The following SMS variants were observed in gnomAD, a reference collection of about 807,000 sequenced individuals.
SMS encodes the protein spermidine aminopropyltransferase.
Under a neutral mutation model 33.0 loss-of-function variants are expected in SMS, and 3 were observed. The ratio of observed to expected loss-of-function variants is 0.09; its 90% CI spans 0.04 to 0.23. SMS has a LOEUF of 0.23. Ranked by LOEUF, SMS falls within the 10% of genes least tolerant of loss-of-function variation. The probability of loss-of-function intolerance (pLI) is 1.00; values close to 1 mark genes in which losing one functional copy is unlikely to be tolerated. For synonymous variants in SMS, 103 were observed against 112.2 expected (o/e 0.92, Z 0.52); for missense variants, 117 against 288.6 (o/e 0.41, Z 4.31).
rs1365781559 is a variant in SMS at position 21,975,043 on chromosome X, G to GA, written c.330-2012dup. 6.3e-5 allele frequency among the ~76,000 whole-genome samples: 7 copies of GA among 110,852 alleles called. No homozygotes were observed. The South Asian group carries it at 1.9e-3, about 30-fold the overall frequency. ...TTATTTTTGTTTTCTACTTTCAAGT[G>GA]AAAAAACAAGAAAACAAGGTCACAT... On this transcript the variant is annotated intron_variant, in intron 4 of 10. Coordinates refer to ENST00000404933, the MANE Select transcript of SMS (RefSeq NM_004595.5).
chrX:21,961,564 C>T (rs1923352313), intron 1 of SMS, among the ~76,000 whole-genome samples: 1 of 111,512 alleles, frequency 9.0e-6, no homozygotes, highest in Admixed American at 9.5e-5. Context: ...AAATGGTTCC[C>T]TGGTAGAAAA....
At chrX:21,991,575 T>TA (rs1925763476) in intron 9 of SMS, among the ~76,000 whole-genome samples, 1 of 112,548 alleles carries the variant, frequency 8.9e-6, no homozygotes, top group African/African-American at 3.2e-5. Flanking sequence ...CGGTATTAAA[T>TA]ACCACTTTCG....
At chrX:21,944,465 C>A (rs756043121) in intron 1 of SMS, among the ~76,000 whole-genome samples, 11 of 95,638 alleles carry the variant, frequency 1.2e-4, no homozygotes, top group Admixed American at 2.6e-4. Flanking sequence ...GGAGGCGAAG[C>A]GCTTGAGCCC....
In SMS at chrX:21,985,547, T is replaced by C. The variant is rs940719503; in HGVS notation, c.945+324T>C. 2.7e-5 allele frequency among the ~76,000 whole-genome samples: 3 copies of C among 111,816 alleles called. No homozygotes were observed. The East Asian group carries it at 8.4e-4, about 31-fold the overall frequency. ...ACTCCTGCCACCAGATGGAAGCAGA[T>C]TGTGGTGTTTTTCTCATTCTCTAGG... On this transcript the variant is annotated intron_variant, in intron 9 of 10. Coordinates refer to ENST00000404933, the MANE Select transcript of SMS (RefSeq NM_004595.5).
chrX:21,990,867 G>A (rs751073855), intron 9 of SMS, among the ~76,000 whole-genome samples: 4 of 112,471 alleles, frequency 3.6e-5, no homozygotes, highest in Admixed American at 9.4e-5. Context: ...ATGCTCTTAC[G>A]GTGAACTTGA....
intron 9 of SMS, among the ~76,000 whole-genome samples, chrX:21,985,469 T>TC (rs1312265344): frequency 9.0e-6 from 1 of 111,391 alleles, no homozygotes; most frequent in Non-Finnish European, 1.9e-5. Flanking sequence ...TTTTCTTTTT[T>TC]CCCCTCCCCT....
intron 10 of SMS, among the ~76,000 whole-genome samples, chrX:21,993,833 C>A (rs1221675092): frequency 4.5e-5 from 5 of 110,744 alleles, no homozygotes. Flanking sequence ...AAGTCTTCCA[C>A]CTGCTAGTTC....
chrX:21,947,172 G>C (rs764430703), intron 1 of SMS, among the ~76,000 whole-genome samples: 5 of 112,048 alleles, frequency 4.5e-5, no homozygotes, highest in Non-Finnish European at 9.4e-5. Context: ...GCTTTCTCAA[G>C]AGTAGAGAAA....
At chrX:21,988,662 CAAA>C (rs199561897) in intron 9 of SMS, among the ~76,000 whole-genome samples, 4 of 66,140 alleles carry the variant, frequency 6.0e-5, no homozygotes, top group Admixed American at 2.2e-4. Flanking sequence ...GACTCTGTCT[CAAA>C]AAAAAAAAAA....
intron 1 of SMS, among the ~76,000 whole-genome samples, chrX:21,952,089 T>C (rs1922642785): frequency 8.9e-6 from 1 of 111,980 alleles, no homozygotes; most frequent in Admixed American, 9.5e-5. Context: ...CTTACTAGTG[T>C]GTGTGACCTT....
intron 1 of SMS, among the ~76,000 whole-genome samples, chrX:21,952,721 C>G (rs1315871968): frequency 9.2e-6 from 1 of 109,237 alleles, no homozygotes; most frequent in Non-Finnish European, 1.9e-5. Context: ...GTGAAACCAT[C>G]TTTGTCTCAA....
chrX:21,991,655 C>G (rs1366849939), intron 9 of SMS, among the ~76,000 whole-genome samples: 2 of 112,449 alleles, frequency 1.8e-5, no homozygotes, highest in Admixed American at 9.4e-5. Flanking sequence ...CTTCCCTAGA[C>G]TTAATCCAAA....
intron 1 of SMS, among the ~76,000 whole-genome samples, chrX:21,962,584 G>A (rs1256798197): frequency 9.0e-6 from 1 of 111,621 alleles, no homozygotes; most frequent in East Asian, 2.8e-4. Flanking sequence ...CTCATGCCTG[G>A]GGCCCACCCC....
At chrX:21,965,109 A>G (rs1056076975) in intron 1 of SMS, among the ~76,000 whole-genome samples, 1 of 111,586 alleles carries the variant, frequency 9.0e-6, no homozygotes, top group Admixed American at 9.5e-5. Flanking sequence ...GTCTCTTATA[A>G]GGGCACTTGT....
At chrX:21,945,419 A>G (rs1219773947) in intron 1 of SMS, among the ~76,000 whole-genome samples, 1 of 111,660 alleles carries the variant, frequency 9.0e-6, no homozygotes, top group Non-Finnish European at 1.9e-5. Context: ...CAAATTCTAT[A>G]ACCTTGTTTA....
intron 5 of SMS, among the ~76,000 whole-genome samples, chrX:21,977,759 C>G (rs1046374444): frequency 8.9e-6 from 1 of 112,247 alleles, no homozygotes; most frequent in Non-Finnish European, 1.9e-5. Context: ...TGACTAATGT[C>G]CATTTGTATT....
chrX:21,994,179 G>C, intron 10 of SMS, 133 bp from the exon 11 acceptor site: 3 of 628,021 alleles, frequency 4.8e-6, no homozygotes, highest in Non-Finnish European at 5.3e-6. Context: ...AAAGTCCTTC[G>C]TTCTCATTCC....
chrX:21,945,512 C>T (rs1282894548), intron 1 of SMS, among the ~76,000 whole-genome samples: 1 of 107,771 alleles, frequency 9.3e-6, no homozygotes, highest in Non-Finnish European at 1.9e-5. Flanking sequence ...GTACCCTTGA[C>T]CCTCATCAGG....
intron 1 of SMS, among the ~76,000 whole-genome samples, chrX:21,950,582 G>A (rs1002519597): frequency 2.0e-4 from 22 of 108,594 alleles, no homozygotes; most frequent in Non-Finnish European, 5.7e-5. Context: ...TTGTCCTAAT[G>A]CTCTCCCTCC....
Sources: gnomAD v4.1 joint callset for allele counts (sites outside exome capture counted in the v4.1 genomes callset) on GRCh38, gnomAD v4.1.1 for gene constraint, MANE v1.5 for transcripts, NCBI Gene and HGNC (gene_info 2026-07-23, HGNC 2026-07-21) for gene names.